The following TTLL6 variants were observed in gnomAD, a reference collection of about 807,000 sequenced individuals.
TTLL6 encodes tubulin tyrosine ligase like 6.
Under a neutral mutation model 96.4 loss-of-function variants are expected in TTLL6, and 75 were observed. That is an observed-to-expected ratio of 0.78 (90% CI 0.65 to 0.94). The LOEUF (loss-of-function observed/expected upper bound fraction) is 0.94, where lower values mean the gene tolerates loss of function less well. Among genes scored for constraint, TTLL6 ranks in the 40% least tolerant of loss-of-function variants. TTLL6 has a pLI of 0.00. For missense variants in TTLL6, 1,030 were observed against 1,093.0 expected (o/e 0.94, Z 0.81); for synonymous variants, 411 against 419.4 (o/e 0.98, Z 0.24).
chr17:48,809,494 G>C (rs979125930), intron 1 of TTLL6, among the ~76,000 whole-genome samples: 2 of 152,104 alleles, frequency 1.3e-5, no homozygotes, highest in African/African-American at 2.4e-5. Context: ...TAGAAGTGCG[G>C]GTTCTCTTTG....
At chr17:48,782,860 C>T (rs972578055) in intron 13 of TTLL6, among the ~76,000 whole-genome samples, 1 of 152,032 alleles carries the variant, frequency 6.6e-6, no homozygotes, top group African/African-American at 2.4e-5. Context: ...ATTGTAGGCA[C>T]CCACCATCAT....
intron 9 of TTLL6, among the ~76,000 whole-genome samples, chr17:48,790,544 G>A (rs567485182): frequency 4.6e-5 from 7 of 152,158 alleles, no homozygotes; most frequent in African/African-American, 7.2e-5. Flanking sequence ...ACTCATTCCC[G>A]CCCACTGAAA....
Position 48,788,267 on chromosome 17 carries a change from C to T in TTLL6, c.1401-268G>A, listed in dbSNP as rs562044043. 2.0e-5 allele frequency among the ~76,000 whole-genome samples: 3 copies of T among 152,334 alleles called. No individual in the cohort carries two copies. In the South Asian group the frequency reaches 6.2e-4, roughly 32 times the overall value. On this transcript the variant is annotated intron_variant, in intron 10 of 15. Coordinates refer to ENST00000393382, the MANE Select transcript of TTLL6 (RefSeq NM_001130918.3). Reference sequence around the variant, plus strand: ...ATTCTGTCCTGTTCCAAGTAAAACCCATTTTCTACTCGGCTTAGCTCTGAC... The same window carrying T: ...ATTCTGTCCTGTTCCAAGTAAAACCTATTTTCTACTCGGCTTAGCTCTGAC...
intron 1 of TTLL6, among the ~76,000 whole-genome samples, chr17:48,816,433 C>T (rs1261923240): frequency 6.6e-6 from 1 of 152,100 alleles, no homozygotes; most frequent in Non-Finnish European, 1.5e-5. Flanking sequence ...TCCTAGAGTT[C>T]AAATCCCAAA....
intron 13 of TTLL6, among the ~76,000 whole-genome samples, chr17:48,781,071 A>G (rs1259048176): frequency 3.3e-5 from 5 of 151,444 alleles, no homozygotes; most frequent in Non-Finnish European, 7.4e-5. Context: ...TTTTTAGACA[A>G]GAGTCTAACT....
rs1019817426 is a variant in TTLL6, at chr17:48,769,855, A to T, written c.2283T>A (p.Thr761=). 3 of 1,614,120 alleles carry T rather than the reference A, an allele frequency of 1.9e-6. No homozygotes were observed. The African/African-American group carries it at 4.0e-5, about 22-fold the overall frequency. The change falls in exon 14 of 16, where the codon ACT becomes ACA. Residue 761 remains threonine (T), a synonymous_variant. Transcript: ENST00000393382. ...GCTTGTTCATGTCACTCTTTAGCAA[A>T]GTCCAGTTTGTGTTCGGACTCTCCC... ...SFWESPNTNW[T]LLKSDMNKPH... is the part of the protein sequence containing the mutation.
chr17:48,766,771 C>T (rs1245272538), intron 15 of TTLL6, among the ~76,000 whole-genome samples: 1 of 152,092 alleles, frequency 6.6e-6, no homozygotes, highest in Non-Finnish European at 1.5e-5. Context: ...GGCTGAGGCA[C>T]AAGAATTGAA....
chr17:48,804,131 T>C, intron 2 of TTLL6: 1 of 622,196 alleles, frequency 1.6e-6, no homozygotes, highest in South Asian at 1.9e-5. Flanking sequence ...AGGGTACTAT[T>C]ACTCTACCCA....
chr17:48,799,476 C>T (rs2039373136), intron 6 of TTLL6, 128 bp downstream of exon 6: 1 of 992,034 alleles, frequency 1.0e-6, no homozygotes, highest in Non-Finnish European at 1.5e-6. Context: ...TGACAAAGTG[C>T]AAGGCAGAAG....
At chr17:48,793,259 T>C (rs1055411799) in intron 8 of TTLL6, among the ~76,000 whole-genome samples, 5 of 151,724 alleles carry the variant, frequency 3.3e-5, no homozygotes, top group African/African-American at 1.2e-4. Flanking sequence ...AGAAACAAGA[T>C]GGGAGGGAGA....
chr17:48,803,383 C>T (rs920108537), intron 3 of TTLL6, among the ~76,000 whole-genome samples: 4 of 151,344 alleles, frequency 2.6e-5, no homozygotes, highest in Non-Finnish European at 4.4e-5. Flanking sequence ...GTAATCCCAG[C>T]TACTAGGGAG....
chr17:48,801,158 T>C (rs2039404967), intron 5 of TTLL6, 97 bp downstream of exon 5: 1 of 1,107,114 alleles, frequency 9.0e-7, no homozygotes, highest in Admixed American at 2.1e-5. Context: ...TGGGAGTTCA[T>C]ATGGGCAGGG....
chr17:48,769,400 C>G, intron 14 of TTLL6, 146 bp from the exon 15 acceptor site: 19 of 1,048,682 alleles, frequency 1.8e-5, no homozygotes, highest in Non-Finnish European at 2.3e-5. Context: ...TGCTCCTTTT[C>G]TCCAAATAGT....
intron 1 of TTLL6, among the ~76,000 whole-genome samples, chr17:48,807,157 G>A (rs12945880): frequency 1.3e-5 from 2 of 151,364 alleles, no homozygotes; most frequent in South Asian, 4.2e-4. Context: ...GCGCCATCTC[G>A]GCTCACTACA....
chr17:48,791,024 C>T (rs578057260), intron 9 of TTLL6, among the ~76,000 whole-genome samples: 14 of 152,262 alleles, frequency 9.2e-5, no homozygotes, highest in African/African-American at 3.4e-4. Flanking sequence ...GGGGCACCGC[C>T]GCTCCTGTCT....
chr17:48,795,732 T>C (rs754144035), intron 8 of TTLL6, among the ~76,000 whole-genome samples: 4 of 152,188 alleles, frequency 2.6e-5, no homozygotes, highest in South Asian at 2.1e-4. Context: ...GATCAATAAA[T>C]ATCTGTTGAT....
intron 1 of TTLL6, among the ~76,000 whole-genome samples, chr17:48,808,464 T>C (rs1023854556): frequency 2.0e-5 from 3 of 152,046 alleles, no homozygotes; most frequent in Non-Finnish European, 2.9e-5. Flanking sequence ...CCCAGAGGGA[T>C]TGCAATAATT....
Position 48,762,334 on chromosome 17 carries a change from T to C in TTLL6, c.*640A>G, listed in dbSNP as rs1040998639. The stretch of plus-strand genomic sequence containing the variant: ...AGAAGCATCTTCAGGCTGGGTACTC[T>C]CGCCTCACCTCTGTTTTCACTGGTG... On this transcript the variant is annotated 3_prime_UTR_variant, in exon 16 of 16. Coordinates refer to ENST00000393382, the MANE Select transcript of TTLL6 (RefSeq NM_001130918.3). 7.9e-5 allele frequency: 12 copies of C among 152,144 alleles called. No homozygotes were observed. Among genetic ancestry groups the C allele is most frequent in the Non-Finnish European group, 1.6e-4 (11 of 68,040 alleles). The allele number at this position is 152,144 out of a possible 1,614,324, so 9.4% of individuals were successfully genotyped here. A position where few individuals can be genotyped will look rare whatever the true frequency, so the allele number is the denominator to read the frequency against.
rs985552969 is a variant in TTLL6 at position 48,801,640 on chromosome 17, C to T, written c.365G>A (p.Arg122His). 1.2e-5 allele frequency: 18 copies of T among 1,551,022 alleles called. No homozygotes were observed. Among genetic ancestry groups the T allele is most frequent in the African/African-American group, 2.7e-5 (2 of 72,988 alleles). Residue 122 changes from arginine (R) to histidine (H), a missense_variant, in exon 4 of 16, where the codon CGC becomes CAC. Physicochemically the swap from Arg to His is conservative, Grantham distance 29. Transcript: ENST00000393382. ...NLSSCRYESV[R>H]RAAQQYGFRE... ...AAAGCCGTACTGTTGGGCAGCCCTG[C>T]GCACTATTGAAGAAAGAAAGGCCTA... is the stretch of plus-strand genomic sequence containing the variant.
Sources: allele counts gnomAD v4.1 joint callset (sites outside exome capture counted in the v4.1 genomes callset), GRCh38; gene constraint gnomAD v4.1.1; transcripts MANE v1.5; gene names NCBI Gene and HGNC (gene_info 2026-07-23, HGNC 2026-07-21).